SMC3: variants seen among roughly 807,000 people sequenced by gnomAD.
The protein encoded by SMC3 is structural maintenance of chromosomes 3.
Under a neutral mutation model 171.8 loss-of-function variants are expected in SMC3, and 20 were observed. The ratio of observed to expected loss-of-function variants is 0.12; its 90% CI spans 0.08 to 0.17. The LOEUF (loss-of-function observed/expected upper bound fraction) is 0.17, where lower values mean the gene tolerates loss of function less well. SMC3 is among the 10% of genes least tolerant of loss of function. The pLI, the probability that SMC3 is intolerant of heterozygous loss-of-function variation, is 1.00. For missense variants in SMC3, 543 were observed against 1,420.4 expected (o/e 0.38, Z 9.93); for synonymous variants, 464 against 451.1 (o/e 1.03, Z -0.36).
At chr10:110,589,059 G>C (rs1861166661) in intron 13 of SMC3, among the ~76,000 whole-genome samples, 1 of 151,900 alleles carries the variant, frequency 6.6e-6, no homozygotes, top group Admixed American at 6.6e-5. Flanking sequence ...TGTGTTTTCT[G>C]GTGTGGTATG....
intron 13 of SMC3, among the ~76,000 whole-genome samples, chr10:110,588,811 A>T (rs1186014812): frequency 4.6e-5 from 7 of 152,180 alleles, no homozygotes; most frequent in Non-Finnish European, 1.0e-4. Flanking sequence ...GAGATTTGTT[A>T]TAGGTTCTGC....
intron 17 of SMC3, among the ~76,000 whole-genome samples, chr10:110,592,571 A>G (rs1325586041): frequency 2.0e-5 from 3 of 152,222 alleles, no homozygotes; most frequent in Admixed American, 1.3e-4. Flanking sequence ...ATATTTTCCT[A>G]TCTAATTTAG....
At chr10:110,582,541 A>T (rs1861047977) in intron 9 of SMC3, 21 bp from the exon 10 acceptor site, 1 of 1,572,564 alleles carries the variant, frequency 6.4e-7, no homozygotes, top group Non-Finnish European at 8.7e-7. Flanking sequence ...GTTAGATATG[A>T]TAAGTTGTTT....
intron 2 of SMC3, among the ~76,000 whole-genome samples, chr10:110,570,009 A>G (rs1246015465): frequency 6.6e-6 from 1 of 152,242 alleles, no homozygotes; most frequent in Non-Finnish European, 1.5e-5. Flanking sequence ...AGCCATAACA[A>G]AATACCATAG....
chr10:110,581,148 A>G, intron 8 of SMC3, 127 bp downstream of exon 8: 1 of 709,446 alleles, frequency 1.4e-6, no homozygotes, highest in Non-Finnish European at 2.6e-6. Context: ...TGTTATTAAT[A>G]AAAATTGAGA....
chr10:110,595,349 A>G (rs1381225052), intron 18 of SMC3, among the ~76,000 whole-genome samples: 1 of 151,676 alleles, frequency 6.6e-6, no homozygotes, highest in Admixed American at 6.6e-5. Context: ...GAAAAGTTCC[A>G]TTTTCTGGAT....
rs116928010 is a variant in SMC3 at position 110,596,844 on chromosome 10, A to G, written c.2116+294A>G. Among the ~76,000 whole-genome samples, 56 of 151,794 alleles carry G rather than the reference A, an allele frequency of 3.7e-4. 2 individuals carry two copies. The East Asian group carries it at 0.011, about 28-fold the overall frequency. On this transcript the variant is annotated intron_variant, in intron 19 of 28. Coordinates refer to ENST00000361804, the MANE Select transcript of SMC3 (RefSeq NM_005445.4). ...TGAGAAGGATCAGTTTGTGAATTGT[A>G]CAAGTAAAACCTTGGTAGTTTTTTT...
intron 10 of SMC3, among the ~76,000 whole-genome samples, chr10:110,583,151 C>T (rs1307448322): frequency 6.6e-6 from 1 of 151,972 alleles, no homozygotes; most frequent in Non-Finnish European, 1.5e-5. Flanking sequence ...CTGGGCCTCC[C>T]AAAGTGCTGA....
In SMC3 at chr10:110,604,448, A is replaced by T; in HGVS notation, c.*146A>T. On this transcript the variant is annotated 3_prime_UTR_variant, in exon 29 of 29. Coordinates refer to ENST00000361804, the MANE Select transcript of SMC3 (RefSeq NM_005445.4). ...CCTTTTATATTTGTCTTTGTATTTT[A>T]TAAGATACTCTGTAATGTCATGTTT... is the stretch of plus-strand genomic sequence containing the variant. 1.6e-6 allele frequency: 1 copy of T among 633,632 alleles called. No individual in the cohort carries two copies. Among genetic ancestry groups the T allele is most frequent in the East Asian group, 2.9e-5 (1 of 34,844 alleles). The allele number at this position is 633,632 out of a possible 1,614,324, so 39.3% of individuals were successfully genotyped here.
chr10:110,567,855 C>T (rs905473238), intron 1 of SMC3, 24 bp downstream of exon 1: 2 of 1,613,238 alleles, frequency 1.2e-6, no homozygotes, highest in Admixed American at 1.7e-5. Flanking sequence ...GTCCCTCCAC[C>T]CCGTCATGGG....
At chr10:110,581,053 T>G in intron 8 of SMC3, 32 bp downstream of exon 8, 2 of 1,211,768 alleles carry the variant, frequency 1.7e-6, no homozygotes, top group Non-Finnish European at 2.5e-6. Context: ...CTTATTTTTT[T>G]GTTGCAAATT....
chr10:110,579,880 A>G (rs1023879838), intron 7 of SMC3, among the ~76,000 whole-genome samples: 2 of 152,150 alleles, frequency 1.3e-5, no homozygotes, highest in Admixed American at 1.3e-4. Context: ...ATCATTTTTG[A>G]CATTTAGGGA....
chr10:110,571,098 A>G (rs1408982578), intron 2 of SMC3, among the ~76,000 whole-genome samples: 1 of 152,236 alleles, frequency 6.6e-6, no homozygotes, highest in Admixed American at 6.5e-5. Context: ...AACATTATGG[A>G]AAAGCTAAAA....
At chr10:110,602,435 C>T (rs775456813) in intron 25 of SMC3, 39 bp from the exon 26 acceptor site, 10 of 1,526,490 alleles carry the variant, frequency 6.6e-6, no homozygotes, top group Middle Eastern at 4.6e-4. Context: ...ATATATAATT[C>T]TAAGCAAAAT....
chr10:110,599,167 G>A (rs774704750), intron 20 of SMC3, among the ~76,000 whole-genome samples: 10 of 152,034 alleles, frequency 6.6e-5, no homozygotes, highest in Non-Finnish European at 1.3e-4. Flanking sequence ...GCGTGATCTC[G>A]GCTTACTGCA....
Position 110,589,952 on chromosome 10 carries a change from T to C in SMC3, c.1470T>C (p.Leu490=). 1 of 1,614,022 alleles carries C rather than the reference T, an allele frequency of 6.2e-7. No individual in the cohort carries two copies. Among genetic ancestry groups the C allele is most frequent in the Non-Finnish European group, 8.5e-7 (1 of 1,179,992 alleles). ...QQALAAKRED[L]EKKQQLLRAA... is the part of the protein sequence containing the mutation. ...CACTTGCTGCTAAAAGAGAAGATCTTGAAAAGAAGCAACAACTTCTTAGAG... is the reference window on the plus strand; with the variant it reads ...CACTTGCTGCTAAAAGAGAAGATCTCGAAAAGAAGCAACAACTTCTTAGAG... Residue 490 remains leucine, a synonymous_variant, in exon 15 of 29, where the codon CTT becomes CTC. Transcript: ENST00000361804.
intron 18 of SMC3, among the ~76,000 whole-genome samples, chr10:110,594,818 C>T (rs972113513): frequency 1.3e-5 from 2 of 152,124 alleles, no homozygotes; most frequent in African/African-American, 2.4e-5. Flanking sequence ...TTTAAGCATG[C>T]ATCTCCTAAC....
chr10:110,582,566 C>G lies in SMC3; in HGVS notation c.728C>G (p.Ser243Cys). 6.2e-7 allele frequency: 1 copy of G among 1,610,098 alleles called. No individual in the cohort carries two copies. The highest frequency in any genetic ancestry group is 8.5e-7 in the Non-Finnish European group (1 of 1,176,728). The change falls in exon 10 of 29, where the codon TCT becomes TGT. Residue 243 changes from serine to cysteine, a missense_variant. Physicochemically the swap from Ser to Cys is moderately radical, Grantham distance 112. Around this residue, in one of 8 missense-constraint regions of SMC3, gnomAD observed 146 missense variants for 437.9 expected, o/e 0.33. Transcript: ENST00000361804. ...ATAAGTTGTTTTTTTTCTTAGCTTTCTGCTAAGCGAGAGACTAGTGGAGAA... is the reference window on the plus strand; with the variant it reads ...ATAAGTTGTTTTTTTTCTTAGCTTTGTGCTAAGCGAGAGACTAGTGGAGAA... ...NETRAKLDEL[S>C]AKRETSGEKS...
At chr10:110,600,342 C>T in intron 21 of SMC3, 97 bp from the exon 22 acceptor site, 1 of 736,042 alleles carries the variant, frequency 1.4e-6, no homozygotes, top group East Asian at 2.5e-5. Flanking sequence ...TTCATTTCAG[C>T]TCACATGAGC....
Sources: allele counts gnomAD v4.1 joint callset (sites outside exome capture counted in the v4.1 genomes callset), GRCh38; gene constraint gnomAD v4.1.1; regional missense constraint gnomAD v4.1.1; transcripts MANE v1.5; gene names NCBI Gene and HGNC (gene_info 2026-07-23, HGNC 2026-07-21).